NOS1: variants seen among roughly 807,000 people sequenced by gnomAD.
NOS1 encodes nitric oxide synthase 1, also known as NOS type I.
NOS1 carries 51 observed loss-of-function variants against 164.5 expected under a neutral mutation model. The observed-to-expected ratio is 0.31, with a 90% confidence interval of 0.25 to 0.39. The LOEUF (loss-of-function observed/expected upper bound fraction) is 0.39, where lower values mean the gene tolerates loss of function less well. Ranked by LOEUF, NOS1 falls within the 10% of genes least tolerant of loss-of-function variation. NOS1 has a pLI of 1.00. For synonymous variants in NOS1, 719 were observed against 745.8 expected (o/e 0.96, Z 0.59); for missense variants, 1,362 against 1,885.6 (o/e 0.72, Z 5.14).
chr12:117,253,785 T>A, intron 16 of NOS1, 31 bp from the exon 17 acceptor site: 3 of 1,486,008 alleles, frequency 2.0e-6, no homozygotes, highest in South Asian at 1.1e-5. Context: ...CTGTGAGCTC[T>A]GGCCTGGAGC....
chr12:117,257,490 T>A (rs1309564689), intron 16 of NOS1, among the ~76,000 whole-genome samples: 7 of 152,200 alleles, frequency 4.6e-5, no homozygotes, highest in Admixed American at 4.6e-4. Context: ...ACTACAGGTA[T>A]GTTTTGTCTT....
intron 2 of NOS1, among the ~76,000 whole-genome samples, chr12:117,315,439 C>T (rs2136059004): frequency 6.6e-6 from 1 of 152,258 alleles, no homozygotes; most frequent in South Asian, 2.1e-4. Flanking sequence ...GTCTTGAACT[C>T]CTGGCCTCGA....
chr12:117,208,181 A>AGACG lies in NOS1; in HGVS notation c.*7127_*7128insCGTC, dbSNP rs1224447130. 3 of 926,206 alleles carry AGACG rather than the reference A, an allele frequency of 3.2e-6. No homozygotes were observed. The highest frequency in any genetic ancestry group is 4.3e-6 in the Non-Finnish European group (3 of 693,020). The allele number at this position is 926,206 out of a possible 1,614,324, so 57.4% of individuals were successfully genotyped here. A position where few individuals can be genotyped will look rare whatever the true frequency, so the allele number is the denominator to read the frequency against. On this transcript the variant is annotated 3_prime_UTR_variant, in exon 29 of 29. Transcript: ENST00000317775. ...TAATATTGTAACCATAATGCAAACA[A>AGACG]GCATAATAGGCTTTTGTTGAATCCC...
At chr12:117,251,175 C>G (rs1230125648) in intron 17 of NOS1, among the ~76,000 whole-genome samples, 1 of 152,154 alleles carries the variant, frequency 6.6e-6, no homozygotes, top group African/African-American at 2.4e-5. Flanking sequence ...CGTCTATGAG[C>G]CAGAGAGAGG....
intron 3 of NOS1, among the ~76,000 whole-genome samples, chr12:117,303,453 G>A (rs541804180): frequency 1.4e-4 from 21 of 152,272 alleles, no homozygotes; most frequent in African/African-American, 5.1e-4. Context: ...ATCCTCAGGT[G>A]GCTGAGCTTG....
Position 117,225,059 on chromosome 12 carries a change from G to C in NOS1, c.3783C>G (p.Phe1261Leu). 6.2e-7 allele frequency: 1 copy of C among 1,614,250 alleles called. No individual in the cohort carries two copies. The highest frequency in any genetic ancestry group is 8.5e-7 in the Non-Finnish European group (1 of 1,180,048). The part of the protein sequence containing the change: ...LVGPGTGIAP[F>L]RSFWQQRQFD... ...ATTGCCGCTGTTGCCAGAAGCTTCG[G>C]AAAGGGGCAATGCCGGTGCCTGGTC... The change falls in exon 25 of 29, where the codon TTC becomes TTG. Residue 1261 changes from phenylalanine to leucine, a missense_variant. Coordinates refer to ENST00000317775, the MANE Select transcript of NOS1 (RefSeq NM_000620.5).
At chr12:117,319,164 G>A (rs955797824) in intron 2 of NOS1, among the ~76,000 whole-genome samples, 3 of 152,152 alleles carry the variant, frequency 2.0e-5, no homozygotes, top group East Asian at 3.9e-4. Flanking sequence ...TGATCCTTCT[G>A]TCTCAGTTTC....
rs1389992948 is a variant in NOS1 at position 117,208,364 on chromosome 12, TA to T, written c.*6944del. On this transcript the variant is annotated 3_prime_UTR_variant, in exon 29 of 29. Coordinates refer to ENST00000317775, the MANE Select transcript of NOS1 (RefSeq NM_000620.5). ...ATTAGCAGCATTGAGAGCTCAGAGGTAGGGGGGACGGCCGAGTTTCTGACAG... is the reference window on the plus strand; with the variant it reads ...ATTAGCAGCATTGAGAGCTCAGAGGTGGGGGGACGGCCGAGTTTCTGACAG... 4.7e-6 allele frequency: 6 copies of T among 1,268,642 alleles called. No homozygotes were observed. The highest frequency in any genetic ancestry group is 1.8e-5 in the African/African-American group (1 of 54,980). 78.6% of individuals were successfully genotyped at this position (1,268,642 alleles called of 1,614,324 possible). A position where few individuals can be genotyped will look rare whatever the true frequency, so the allele number is the denominator to read the frequency against.
intron 10 of NOS1, among the ~76,000 whole-genome samples, chr12:117,268,973 T>C (rs1243083274): frequency 1.3e-5 from 2 of 152,156 alleles, no homozygotes; most frequent in Non-Finnish European, 2.9e-5. Flanking sequence ...AAAATTTTTA[T>C]CGAGAACCTA....
intron 2 of NOS1, among the ~76,000 whole-genome samples, chr12:117,326,570 T>C (rs1475328962): frequency 6.6e-6 from 1 of 152,182 alleles, no homozygotes; most frequent in Admixed American, 6.5e-5. Context: ...TAGACCTTGT[T>C]TCTCCTCTGA....
At chr12:117,309,728 T>C (rs1476781959) in intron 3 of NOS1, among the ~76,000 whole-genome samples, 1 of 152,084 alleles carries the variant, frequency 6.6e-6, no homozygotes, top group African/African-American at 2.4e-5. Flanking sequence ...TCAAAACACA[T>C]CTGAACAGAT....
At chr12:117,253,526 G>T in intron 17 of NOS1, 112 bp downstream of exon 17, 1 of 734,020 alleles carries the variant, frequency 1.4e-6, no homozygotes, top group Non-Finnish European at 2.3e-6. Flanking sequence ...GGTTTTATGA[G>T]AAATGAATGG....
chr12:117,261,512 C>T (rs1871908055), intron 13 of NOS1, among the ~76,000 whole-genome samples: 1 of 151,936 alleles, frequency 6.6e-6, no homozygotes, highest in Non-Finnish European at 1.5e-5. Flanking sequence ...AAATGAATCA[C>T]GAATTAGTCA....
intron 8 of NOS1, among the ~76,000 whole-genome samples, chr12:117,279,975 G>A (rs569805010): frequency 6.6e-6 from 1 of 152,348 alleles, no homozygotes; most frequent in South Asian, 2.1e-4. Flanking sequence ...AAAGGACGAC[G>A]GTGAAATTCA....
At chr12:117,313,508 C>G (rs1874532659) in intron 2 of NOS1, among the ~76,000 whole-genome samples, 1 of 152,178 alleles carries the variant, frequency 6.6e-6, no homozygotes, top group Non-Finnish European at 1.5e-5. Flanking sequence ...GTTGTGCAAG[C>G]TGGTCTCAAA....
At chr12:117,221,130 T>A (rs906797085) in intron 26 of NOS1, among the ~76,000 whole-genome samples, 18 of 146,028 alleles carry the variant, frequency 1.2e-4, no homozygotes, top group Non-Finnish European at 2.7e-4. Context: ...TTAAATTTAT[T>A]TTTATTTATT....
rs772708191 is a variant in NOS1, at chr12:117,231,982, G to A, written c.3385C>T (p.Arg1129Cys). 7 of 1,612,622 alleles carry A rather than the reference G, an allele frequency of 4.3e-6. No homozygotes were observed. In the East Asian group the frequency reaches 6.7e-5, roughly 15 times the overall value. ...SLATSEKEKQ[R>C]LLVLSKGLQE... ...CCCACCTTGCTGAGGACCAGCAGAC[G>A]CTGCTTCTCCTTCTCGCTGGTAGCT... The change falls in exon 22 of 29, where the codon CGT becomes TGT. Residue 1129 changes from arginine to cysteine, a missense_variant. Transcript: ENST00000317775.
At chr12:117,354,410 C>T (rs1876770357) in intron 1 of NOS1, among the ~76,000 whole-genome samples, 1 of 149,574 alleles carries the variant, frequency 6.7e-6, no homozygotes, top group Admixed American at 6.6e-5. Flanking sequence ...AGACTTATAA[C>T]AAACAAGCAC....
intron 16 of NOS1, among the ~76,000 whole-genome samples, chr12:117,256,537 C>G (rs900952921): frequency 6.6e-6 from 1 of 151,680 alleles, no homozygotes; most frequent in African/African-American, 2.4e-5. Context: ...CTCAGCCTCC[C>G]AAAATGCTGG....
Sources: allele counts gnomAD v4.1 joint callset (sites outside exome capture counted in the v4.1 genomes callset), GRCh38; gene constraint gnomAD v4.1.1; transcripts MANE v1.5; gene names NCBI Gene and HGNC (gene_info 2026-07-23, HGNC 2026-07-21).